NFIB: variants seen among roughly 807,000 people sequenced by gnomAD.
NFIB encodes nuclear factor 1 B-type.
Under a neutral mutation model 61.5 loss-of-function variants are expected in NFIB, and 11 were observed. The ratio of observed to expected loss-of-function variants is 0.18; its 90% CI spans 0.11 to 0.30. NFIB has a LOEUF of 0.30. Among genes scored for constraint, NFIB ranks in the 10% least tolerant of loss-of-function variants. NFIB has a pLI of 1.00. For synonymous variants in NFIB, 260 were observed against 216.5 expected (o/e 1.20, Z -1.76); for missense variants, 471 against 608.9 (o/e 0.77, Z 2.38).
chr9:14,330,826 A>T (rs1249985077), intron 1 of NFIB, among the ~76,000 whole-genome samples: 1 of 152,148 alleles, frequency 6.6e-6, no homozygotes, highest in Admixed American at 6.5e-5. Flanking sequence ...AGAGGTCCAT[A>T]TTCAATCAGG....
chr9:14,419,230 C>T, the NFIB span, among the ~76,000 whole-genome samples: 1 of 149,652 alleles, frequency 6.7e-6, no homozygotes, highest in Admixed American at 6.7e-5. Context: ...CAACATGGGC[C>T]CCTTGGAAAC....
rs1171822077 is a variant in NFIB at position 14,081,920 on chromosome 9, G to A, written c.*6389C>T. 1 of 198,636 alleles carries A rather than the reference G, an allele frequency of 5.0e-6. No homozygotes were observed. The highest frequency in any genetic ancestry group is 2.3e-5 in the African/African-American group (1 of 43,430). 12.3% of individuals were successfully genotyped at this position (198,636 alleles called of 1,614,324 possible). ...ATATATCCGCTTCCAGTAATTGACT[G>A]CAGTATGAGCAGCTGCTAGCAGTAT... On this transcript the variant is annotated 3_prime_UTR_variant, in exon 11 of 11. Transcript: ENST00000380953.
intron 2 of NFIB, among the ~76,000 whole-genome samples, chr9:14,232,540 A>C (rs1267100103): frequency 6.6e-6 from 1 of 152,196 alleles, no homozygotes; most frequent in African/African-American, 2.4e-5. Context: ...ACTTCACATC[A>C]TGGAACTTGT....
chr9:14,410,961 C>G, the NFIB span, among the ~76,000 whole-genome samples: 1 of 152,128 alleles, frequency 6.6e-6, no homozygotes. Context: ...CCTTTGACAC[C>G]TTGCAAAGGT....
At chr9:14,491,264 T>C in the NFIB span, among the ~76,000 whole-genome samples, 4 of 152,086 alleles carry the variant, frequency 2.6e-5, no homozygotes, top group African/African-American at 7.2e-5. Flanking sequence ...GCTACAATTA[T>C]TGAAAGAGTG....
chr9:14,243,163 T>G (rs79699652), intron 2 of NFIB, among the ~76,000 whole-genome samples: 186 of 152,276 alleles, frequency 1.2e-3, no homozygotes, highest in East Asian at 9.7e-3. Flanking sequence ...TAAATGACAT[T>G]CCTTCCCTCC....
chr9:14,462,857 C>T, the NFIB span, among the ~76,000 whole-genome samples: 1 of 152,152 alleles, frequency 6.6e-6, no homozygotes, highest in Non-Finnish European at 1.5e-5. Flanking sequence ...ATTAATTATG[C>T]TGTTAGTTAT....
chr9:14,364,906 G>T (rs79543329), intron 1 of NFIB, among the ~76,000 whole-genome samples: 2,132 of 152,210 alleles, frequency 0.014, 56 homozygotes, highest in African/African-American at 0.049. Flanking sequence ...AAGACAGCAG[G>T]GTGATTTAAG....
chr9:14,170,413 G>A (rs2045437784), intron 3 of NFIB, among the ~76,000 whole-genome samples: 1 of 152,108 alleles, frequency 6.6e-6, no homozygotes, highest in Non-Finnish European at 1.5e-5. Context: ...AGGCTGAGGT[G>A]GGAGGATCAC....
At chr9:14,384,753 G>C (rs1027841567) in intron 1 of NFIB, among the ~76,000 whole-genome samples, 1 of 152,000 alleles carries the variant, frequency 6.6e-6, no homozygotes, top group Non-Finnish European at 1.5e-5. Context: ...TCATGGCCTG[G>C]TATCAAACCC....
intron 2 of NFIB, among the ~76,000 whole-genome samples, chr9:14,222,803 A>AAAAAAAAG (rs2051852258): frequency 1.3e-5 from 2 of 151,060 alleles, no homozygotes; most frequent in South Asian, 2.1e-4. Context: ...CTCAAAAAAA[A>AAAAAAAAG]AAAAAAGAAA....
intron 2 of NFIB, among the ~76,000 whole-genome samples, chr9:14,288,232 T>C (rs1396081616): frequency 6.6e-6 from 1 of 152,076 alleles, no homozygotes; most frequent in Non-Finnish European, 1.5e-5. Flanking sequence ...TTTTAAAAGA[T>C]ACTTTACGAA....
rs761717610 is a variant in NFIB at position 14,120,587 on chromosome 9, C to T, written c.1098G>A (p.Leu366=). 4 of 1,612,666 alleles carry T rather than the reference C, an allele frequency of 2.5e-6. No individual in the cohort carries two copies. The highest frequency in any genetic ancestry group is 1.6e-4 in the Middle Eastern group (1 of 6,076). The change falls in exon 8 of 11, where the codon TTG becomes TTA. Residue 366 remains leucine (L), a synonymous_variant. Coordinates refer to ENST00000380953, the MANE Select transcript of NFIB (RefSeq NM_001190737.2). The surrounding 1 kb of genome is among the most constrained non-coding windows in gnomAD (Gnocchi z 4.4). Reference sequence around the variant, plus strand: ...GAAGGATAGCTTGTGTTGGAAATGGCAACGGTGAAGGTGGAGGTGGAGTTC... The same window carrying T: ...GAAGGATAGCTTGTGTTGGAAATGGTAACGGTGAAGGTGGAGGTGGAGTTC... ...STRTPPPPSP[L]PFPTQAILPP...
chr9:14,140,442 G>C (rs2041558018), intron 6 of NFIB, among the ~76,000 whole-genome samples: 1 of 152,084 alleles, frequency 6.6e-6, no homozygotes, highest in Non-Finnish European at 1.5e-5. Context: ...AAAAGGTTCT[G>C]AAGTCACAAA....
the NFIB span, among the ~76,000 whole-genome samples, chr9:14,499,877 C>A: frequency 1.3e-5 from 2 of 152,296 alleles, no homozygotes; most frequent in East Asian, 1.9e-4. Flanking sequence ...AGGCTGAAGG[C>A]AGTGTATTCA....
chr9:14,145,594 C>G (rs1324728195), intron 6 of NFIB, among the ~76,000 whole-genome samples: 2 of 151,920 alleles, frequency 1.3e-5, no homozygotes, highest in Non-Finnish European at 2.9e-5. Flanking sequence ...GTACCCCAAC[C>G]CTCACCAATA....
intron 2 of NFIB, among the ~76,000 whole-genome samples, chr9:14,268,614 T>C (rs575424280): frequency 6.6e-6 from 1 of 152,356 alleles, no homozygotes; most frequent in South Asian, 2.1e-4. Context: ...CTTTGGATTC[T>C]TGTGAATTCT....
intron 2 of NFIB, among the ~76,000 whole-genome samples, chr9:14,247,011 C>A (rs545222165): frequency 6.6e-6 from 1 of 152,122 alleles, no homozygotes; most frequent in Non-Finnish European, 1.5e-5. Flanking sequence ...CTCTCTCTCT[C>A]TCTGCTTTCT....
chr9:14,382,654 G>T (rs73641917), intron 1 of NFIB, among the ~76,000 whole-genome samples: 1 of 152,084 alleles, frequency 6.6e-6, no homozygotes, highest in Non-Finnish European at 1.5e-5. Flanking sequence ...AGCAGGTTAC[G>T]TGTGCAAGGA....
Sources: allele counts gnomAD v4.1 joint callset (sites outside exome capture counted in the v4.1 genomes callset), GRCh38; gene constraint gnomAD v4.1.1; non-coding constraint Gnocchi (gnomAD v3.1); transcripts MANE v1.5; gene names NCBI Gene and HGNC (gene_info 2026-07-23, HGNC 2026-07-21).